The following TBC1D8 variants were observed in gnomAD, a reference collection of about 807,000 sequenced individuals.
TBC1D8 encodes TBC1 domain family member 8, also known as BUB2-like protein 1.
Under a neutral mutation model 118.8 loss-of-function variants are expected in TBC1D8, and 65 were observed. That is an observed-to-expected ratio of 0.55 (90% CI 0.45 to 0.67). The LOEUF is 0.67. TBC1D8 is among the 30% of genes least tolerant of loss of function. The pLI is 0.00. For synonymous variants in TBC1D8, 566 were observed against 595.8 expected (o/e 0.95, Z 0.73); for missense variants, 1,376 against 1,471.2 (o/e 0.94, Z 1.06).
rs755006747 is a variant in TBC1D8, at chr2:101,028,359, C to G, written c.2296G>C (p.Asp766His). 5.0e-6 allele frequency: 8 copies of G among 1,612,180 alleles called. No homozygotes were observed. The East Asian group carries it at 1.1e-4, about 22-fold the overall frequency. The change falls in exon 13 of 20, where the codon GAC becomes CAC. Residue 766 changes from aspartate to histidine, a missense_variant. Transcript: ENST00000409318. ...VGSHHAFFSD[D>H]QEPYPVTDIS... ...TCAGTCACAGGGTAGGGCTCCTGGTCGTCGGAGAAAAAGGCATGGTGGCTG... is the reference window on the plus strand; with the variant it reads ...TCAGTCACAGGGTAGGGCTCCTGGTGGTCGGAGAAAAAGGCATGGTGGCTG...
At chr2:101,070,882 T>C (rs1683274623) in intron 2 of TBC1D8, among the ~76,000 whole-genome samples, 1 of 152,208 alleles carries the variant, frequency 6.6e-6, no homozygotes, top group African/African-American at 2.4e-5. Context: ...CTAAATAATA[T>C]GGACTTGAAA....
chr2:101,134,853 T>A (rs1431409100), intron 1 of TBC1D8, among the ~76,000 whole-genome samples: 1 of 152,204 alleles, frequency 6.6e-6, no homozygotes. Context: ...CTTTCCAGGT[T>A]GCACATGAAG....
chr2:101,101,404 C>G (rs1473199899), intron 1 of TBC1D8, among the ~76,000 whole-genome samples: 1 of 152,140 alleles, frequency 6.6e-6, no homozygotes, highest in Admixed American at 6.6e-5. Flanking sequence ...ACAATAGATG[C>G]TGGCGAGGCT....
Position 101,151,156 on chromosome 2 carries a change from C to T in TBC1D8, c.98G>A (p.Gly33Glu). 6.6e-6 allele frequency: 8 copies of T among 1,212,360 alleles called. No homozygotes were observed. The highest frequency in any genetic ancestry group is 8.4e-6 in the Non-Finnish European group (8 of 949,950). 75.1% of individuals were successfully genotyped at this position (1,212,360 alleles called of 1,614,324 possible). ...SCYFILQRRR[G>E]HGEGGGRLTG... ...GAGGCGGCCGCCCCCCTCGCCGTGCCCGCGGCGCCGCTGCAGGATGAAGTA... is the reference window on the plus strand; with the variant it reads ...GAGGCGGCCGCCCCCCTCGCCGTGCTCGCGGCGCCGCTGCAGGATGAAGTA... The change falls in exon 1 of 20, where the codon GGG (glycine) becomes GAG (glutamate). Residue 33 changes from glycine to glutamate, a missense_variant. Transcript: ENST00000409318.
chr2:101,037,913 G>T (rs1681126744), intron 7 of TBC1D8, among the ~76,000 whole-genome samples: 2 of 152,116 alleles, frequency 1.3e-5, no homozygotes. Context: ...GGCTGTCCCG[G>T]TCCCCAGAAC....
At chr2:101,103,552 C>T (rs1032573662) in intron 1 of TBC1D8, among the ~76,000 whole-genome samples, 21 of 151,880 alleles carry the variant, frequency 1.4e-4, no homozygotes, top group South Asian at 4.2e-4. Flanking sequence ...CCACCACGCC[C>T]GGCTAATTTT....
chr2:101,079,500 G>C (rs1275825190), intron 2 of TBC1D8, among the ~76,000 whole-genome samples: 1 of 151,688 alleles, frequency 6.6e-6, no homozygotes, highest in Non-Finnish European at 1.5e-5. Flanking sequence ...TTAGCCTCTT[G>C]AGTAGTTAGG....
intron 1 of TBC1D8, among the ~76,000 whole-genome samples, chr2:101,131,194 A>G (rs1210146833): frequency 4.5e-4 from 68 of 152,184 alleles, no homozygotes. Flanking sequence ...CAAGTCACTG[A>G]GCCCGGCTCC....
At chr2:101,013,736 C>T (rs1022971109) in intron 17 of TBC1D8, among the ~76,000 whole-genome samples, 1 of 152,310 alleles carries the variant, frequency 6.6e-6, no homozygotes, top group Non-Finnish European at 1.5e-5. Flanking sequence ...CCTGTGGAGG[C>T]GACAAGCCAG....
rs1573863406 is a variant in TBC1D8 at position 101,014,841 on chromosome 2, CTT to C, written c.2828-3303_2828-3302del. Reference sequence around the variant, plus strand: ...TAGTGGGTATAACTTGAGTGCCAAACTTCTCTCTTAGACAACCAGTAGTCACA... The same window carrying C: ...TAGTGGGTATAACTTGAGTGCCAAACCTCTCTTAGACAACCAGTAGTCACA... On this transcript the variant is annotated intron_variant, in intron 17 of 19. Coordinates refer to ENST00000409318, the MANE Select transcript of TBC1D8 (RefSeq NM_001330348.2). Among the ~76,000 whole-genome samples the C allele has an allele frequency of 3.3e-5, 5 of 152,166 alleles. No individual in the cohort carries two copies. In the South Asian group the frequency reaches 8.3e-4, roughly 25 times the overall value.
At chr2:101,081,682 G>A (rs6727200) in intron 2 of TBC1D8, among the ~76,000 whole-genome samples, 133,784 of 152,236 alleles carry the variant, frequency 0.88, 58,954 homozygotes, top group Admixed American at 0.93. Context: ...TCATGCCTCA[G>A]TTAATCTACA....
chr2:101,084,508 A>C (rs1675471776), intron 2 of TBC1D8, among the ~76,000 whole-genome samples: 1 of 152,132 alleles, frequency 6.6e-6, no homozygotes, highest in Admixed American at 6.5e-5. Flanking sequence ...CCGAGATCGC[A>C]TGACCGCACC....
In TBC1D8 at chr2:101,032,254, G is replaced by A. The variant is rs376845920; in HGVS notation, c.1936+14C>T. The stretch of plus-strand genomic sequence containing the variant: ...TTCCCCAGATACACAGGAGGAGGAA[G>A]GGGGTCTGTTTACCGATCACTCGGT... On this transcript the variant is annotated intron_variant, in intron 11 of 19. Transcript: ENST00000409318. 1.2e-6 allele frequency: 2 copies of A among 1,610,448 alleles called. No individual in the cohort carries two copies. Among genetic ancestry groups the A allele is most frequent in the Non-Finnish European group, 1.7e-6 (2 of 1,177,014 alleles).
At chr2:101,089,042 T>C (rs1675830315) in intron 2 of TBC1D8, among the ~76,000 whole-genome samples, 1 of 152,184 alleles carries the variant, frequency 6.6e-6, no homozygotes, top group African/African-American at 2.4e-5. Flanking sequence ...TTCTTGTATT[T>C]TCGAGGAAAA....
At chr2:101,078,746 T>A (rs1675018230) in intron 2 of TBC1D8, among the ~76,000 whole-genome samples, 1 of 127,734 alleles carries the variant, frequency 7.8e-6, no homozygotes. Flanking sequence ...AGAAAAACCT[T>A]TCTTAGCAAA....
chr2:101,145,658 T>TC (rs1679289980), intron 1 of TBC1D8, among the ~76,000 whole-genome samples: 1 of 152,076 alleles, frequency 6.6e-6, no homozygotes, highest in East Asian at 1.9e-4. Context: ...CAGTTTCACC[T>TC]CCCCCAGTCA....
intron 1 of TBC1D8, among the ~76,000 whole-genome samples, chr2:101,137,095 C>T (rs957009594): frequency 4.8e-5 from 7 of 146,994 alleles, no homozygotes; most frequent in Non-Finnish European, 8.9e-5. Context: ...TGCAATGGCG[C>T]GATCTCGGCT....
intron 10 of TBC1D8, 89 bp downstream of exon 10, chr2:101,033,455 G>C (rs754674815): frequency 3.4e-5 from 51 of 1,503,762 alleles, no homozygotes; most frequent in Non-Finnish European, 4.0e-5. Flanking sequence ...CTCAGGACCA[G>C]ATGACTGGGA....
chr2:101,048,219 A>G (rs149274949), intron 5 of TBC1D8, among the ~76,000 whole-genome samples: 1 of 152,328 alleles, frequency 6.6e-6, no homozygotes, highest in East Asian at 1.9e-4. Flanking sequence ...CATTTTTAAG[A>G]TATCTTTGTA....
Sources: gnomAD v4.1 joint callset for allele counts (sites outside exome capture counted in the v4.1 genomes callset) on GRCh38, gnomAD v4.1.1 for gene constraint, MANE v1.5 for transcripts, NCBI Gene and HGNC (gene_info 2026-07-23, HGNC 2026-07-21) for gene names.